KICS2: variants seen among roughly 807,000 people sequenced by gnomAD.
KICS2 encodes KICSTOR complex protein C12orf66.
A neutral mutation model predicts 31.4 loss-of-function variants in KICS2; 13 were observed. That is an observed-to-expected ratio of 0.41 (90% confidence interval 0.27 to 0.66). The LOEUF is 0.66. Ranked by LOEUF, KICS2 falls within the 30% of genes least tolerant of loss-of-function variation. The probability of loss-of-function intolerance (pLI) is 0.28; values close to 1 mark genes in which losing one functional copy is unlikely to be tolerated. For missense variants in KICS2, 455 were observed against 545.4 expected (o/e 0.83, Z 1.65); for synonymous variants, 209 against 214.8 (o/e 0.97, Z 0.24).
At chr12:64,220,656 A>G (rs2037672136) in intron 1 of KICS2, among the ~76,000 whole-genome samples, 1 of 152,110 alleles carries the variant, frequency 6.6e-6, no homozygotes, top group Non-Finnish European at 1.5e-5. Flanking sequence ...TACAGCTAGA[A>G]TCCACCCCAT....
downstream of KICS2, among the ~76,000 whole-genome samples, chr12:64,190,410 G>A (rs879643158): frequency 6.6e-6 from 1 of 151,654 alleles, no homozygotes; most frequent in Non-Finnish European, 1.5e-5. Flanking sequence ...AGATCAAAAG[G>A]GTGGACATTC....
intron 1 of KICS2, among the ~76,000 whole-genome samples, chr12:64,216,471 T>C (rs1184473180): frequency 6.6e-6 from 1 of 152,220 alleles, no homozygotes; most frequent in Non-Finnish European, 1.5e-5. Flanking sequence ...TAGAGTTGTA[T>C]TTTCCTTTGA....
Position 64,215,758 on chromosome 12 carries a change from G to A in KICS2, c.441C>T (p.Tyr147=). ...TGATGAACTTCTGTGTGCTGAGGGT[G>A]TACATCTTCTCATAGAAGTCTGCTA... is the stretch of plus-strand genomic sequence containing the variant. ...MEIADFYEKM[Y]TLSTQKFINA... is the part of the protein sequence containing the mutation. Residue 147 remains tyrosine (Y), a synonymous_variant, in exon 2 of 3, where the codon TAC becomes TAT. Transcript: ENST00000398055. 1 of 1,614,058 alleles carries A rather than the reference G, an allele frequency of 6.2e-7. No individual in the cohort carries two copies. Among genetic ancestry groups the A allele is most frequent in the East Asian group, 2.2e-5 (1 of 44,878 alleles).
At chr12:64,216,331 A>C (rs922288115) in intron 1 of KICS2, among the ~76,000 whole-genome samples, 3 of 152,210 alleles carry the variant, frequency 2.0e-5, no homozygotes, top group Non-Finnish European at 2.9e-5. Context: ...GAGCATAATT[A>C]ACCTAGCAAA....
At chr12:64,208,483 A>T (rs1024999142) in intron 2 of KICS2, among the ~76,000 whole-genome samples, 2 of 152,248 alleles carry the variant, frequency 1.3e-5, no homozygotes, top group Non-Finnish European at 2.9e-5. Flanking sequence ...CATTCCACAG[A>T]AATTGCACTA....
At position 64,221,910 on chromosome 12, in the gene KICS2, GAC is replaced by G. The variant is rs1328251180; in HGVS notation, c.235+91_235+92del. 9.9e-5 allele frequency: 133 copies of G among 1,340,530 alleles called. 1 individual carries two copies. Among genetic ancestry groups the G allele is most frequent in the South Asian group, 8.6e-4 (60 of 69,922 alleles). The allele number at this position is 1,340,530 out of a possible 1,614,324, so 83.0% of individuals were successfully genotyped here. The stretch of plus-strand genomic sequence containing the variant: ...CCGAGTCGAGCCTGCGACTAGAAGT[GAC>G]ACAGAGACGGGAAACCCAAGCCACT... On this transcript the variant is annotated intron_variant, in intron 1 of 2. Coordinates refer to ENST00000398055, the MANE Select transcript of KICS2 (RefSeq NM_152440.5).
downstream of KICS2, among the ~76,000 whole-genome samples, chr12:64,189,406 C>T (rs974023183): frequency 1.3e-5 from 2 of 152,070 alleles, no homozygotes; most frequent in African/African-American, 4.8e-5. Context: ...AACACCACTA[C>T]ACAAAGAAAA....
intron 2 of KICS2, among the ~76,000 whole-genome samples, chr12:64,209,940 A>G (rs2037569253): frequency 6.6e-6 from 1 of 152,240 alleles, no homozygotes; most frequent in African/African-American, 2.4e-5. Context: ...AACTTTTTCA[A>G]TACAACAGAA....
intron 2 of KICS2, among the ~76,000 whole-genome samples, chr12:64,196,817 A>G (rs1592380201): frequency 6.6e-6 from 1 of 150,430 alleles, no homozygotes; most frequent in East Asian, 1.9e-4. Flanking sequence ...AAGCCTCAGG[A>G]GCCGATGCAA....
intron 2 of KICS2, among the ~76,000 whole-genome samples, chr12:64,207,531 C>G (rs1201136494): frequency 6.6e-6 from 1 of 151,994 alleles, no homozygotes; most frequent in Non-Finnish European, 1.5e-5. Flanking sequence ...TAACTTGCTT[C>G]GGCCAAAGAG....
Position 64,195,270 on chromosome 12 carries a change from C to T in KICS2, c.522-612G>A, listed in dbSNP as rs143410256. On this transcript the variant is annotated intron_variant, in intron 2 of 2. Transcript: ENST00000398055. Reference sequence around the variant, plus strand: ...TTTATTTATTCTGGCAATTGTATGACTAAAACAATCATTGAAACAAGGCAT... The same window carrying T: ...TTTATTTATTCTGGCAATTGTATGATTAAAACAATCATTGAAACAAGGCAT... Among the ~76,000 whole-genome samples, 50 of 152,238 alleles carry T rather than the reference C, an allele frequency of 3.3e-4. No homozygotes were observed. In the East Asian group the frequency reaches 7.7e-3, roughly 24 times the overall value.
chr12:64,194,611 TC>T lies in KICS2; in HGVS notation c.568del (p.Glu190LysfsTer9). The T allele has an allele frequency of 6.2e-7, 1 of 1,614,072 alleles. No homozygotes were observed. Among genetic ancestry groups the T allele is most frequent in the Non-Finnish European group, 8.5e-7 (1 of 1,179,968 alleles). On this transcript the variant is annotated frameshift_variant, in exon 3 of 3. Coordinates refer to ENST00000398055, the MANE Select transcript of KICS2 (RefSeq NM_152440.5). LOFTEE classifies it high-confidence loss of function. ...LSPLESSFQL[E>X]VDVLCHLLKA... ...CAGGAGATGACACAGGACGTCAACTTCCAGCTGGAAACTGCTTTCCAAAGGA... is the reference window on the plus strand; with the variant it reads ...CAGGAGATGACACAGGACGTCAACTTCAGCTGGAAACTGCTTTCCAAAGGA...
At chr12:64,203,937 A>G (rs2037513585) in intron 2 of KICS2, among the ~76,000 whole-genome samples, 1 of 152,240 alleles carries the variant, frequency 6.6e-6, no homozygotes, top group Admixed American at 6.5e-5. Context: ...CTATGCAGCC[A>G]TAAAAAGGAA....
At chr12:64,204,968 A>C (rs2037523594) in intron 2 of KICS2, 1 of 152,234 alleles carries the variant, frequency 6.6e-6, no homozygotes, top group African/African-American at 2.4e-5. Flanking sequence ...AAAATCTTTG[A>C]ATTGTAAGAA....
In KICS2 at chr12:64,193,891, A is replaced by C. The variant is rs1592378121; in HGVS notation, c.1289T>G (p.Leu430Arg). The C allele has an allele frequency of 6.2e-7, 1 of 1,614,158 alleles. No homozygotes were observed. The highest frequency in any genetic ancestry group is 1.7e-5 in the Admixed American group (1 of 60,010). Residue 430 changes from leucine (L) to arginine (R), a missense_variant, in exon 3 of 3, where the codon CTT (leucine) becomes CGT (arginine). Transcript: ENST00000398055. ...ACTTGCAAACACTTTGGGGTTCTTA[A>C]GGGCAAGTGAGACCTCATTGAGGAA... ...ISFLNEVSLA[L>R]KNPKVFASLK...
intron 2 of KICS2, among the ~76,000 whole-genome samples, chr12:64,211,036 A>G (rs1309007108): frequency 2.0e-5 from 3 of 152,140 alleles, no homozygotes; most frequent in Non-Finnish European, 4.4e-5. Flanking sequence ...AAGAGGAGGA[A>G]GGGCTCAGGG....
chr12:64,194,677 T>G lies in KICS2; in HGVS notation c.522-19A>C. On this transcript the variant is annotated intron_variant, in intron 2 of 2. Transcript: ENST00000398055. ...GTGAAATCTAAAGGGGAGAGGGAAA[T>G]AGAGATAAGTGGAAATGTTACTTCA... The G allele has an allele frequency of 6.3e-7, 1 of 1,580,858 alleles. No individual in the cohort carries two copies. Among genetic ancestry groups the G allele is most frequent in the Non-Finnish European group, 8.6e-7 (1 of 1,162,408 alleles).
chr12:64,220,335 C>A (rs2037669189), intron 1 of KICS2, among the ~76,000 whole-genome samples: 1 of 152,198 alleles, frequency 6.6e-6, no homozygotes, highest in South Asian at 2.1e-4. Flanking sequence ...CATTCTTACA[C>A]ACAGGGCAGC....
chr12:64,212,231 G>A (rs564694961), intron 2 of KICS2, among the ~76,000 whole-genome samples: 10 of 152,082 alleles, frequency 6.6e-5, no homozygotes, highest in East Asian at 3.9e-4. Flanking sequence ...GCAGAATTGC[G>A]CAACCATCAC....
Sources: gnomAD v4.1 joint callset for allele counts (sites outside exome capture counted in the v4.1 genomes callset) on GRCh38, gnomAD v4.1.1 for gene constraint, MANE v1.5 for transcripts, NCBI Gene and HGNC (gene_info 2026-07-23, HGNC 2026-07-21) for gene names.